Variants in PATL2 observed in about 807,000 individuals in gnomAD.
The protein encoded by PATL2 is PAT1 homolog 2, also known as protein PAT1 homolog 2.
In PATL2, 73 loss-of-function variants were observed where a neutral mutation model predicts 77.0. That is an observed-to-expected ratio of 0.95 (90% CI 0.78 to 1.15). The LOEUF (loss-of-function observed/expected upper bound fraction) is 1.15, where lower values mean the gene tolerates loss of function less well. PATL2 is among the 50% of genes most tolerant of loss of function. The pLI, the probability that PATL2 is intolerant of heterozygous loss-of-function variation, is 0.00. For missense variants in PATL2, 618 were observed against 655.4 expected (o/e 0.94, Z 0.62); for synonymous variants, 265 against 257.1 (o/e 1.03, Z -0.29).
Position 44,710,197 on chromosome 15 carries a change from A to G in PATL2, c.-177T>C, listed in dbSNP as rs2086826039. 6.6e-6 allele frequency among the ~76,000 whole-genome samples: 1 copy of G among 152,226 alleles called. No individual in the cohort carries two copies. The highest frequency in any genetic ancestry group is 2.4e-5 in the African/African-American group (1 of 41,454). On this transcript the variant is annotated 5_prime_UTR_variant, in exon 3 of 18. Coordinates refer to ENST00000682850, the MANE Select transcript of PATL2 (RefSeq NM_001387263.1). ...TCTTAGTTTAGGCATGGCCTCCACA[A>G]TAAAGATTATCAAAAGCCTAAAAAT...
chr15:44,676,765 A>T, intron 3 of PATL2, 200 bp from the exon 4 acceptor site: 7 of 1,275,106 alleles, frequency 5.5e-6, no homozygotes, highest in Non-Finnish European at 7.0e-6. Flanking sequence ...CCACAAAGGG[A>T]CAGAAATGAG....
chr15:44,705,491 C>G (rs1449630711), intron 3 of PATL2, among the ~76,000 whole-genome samples: 2 of 152,126 alleles, frequency 1.3e-5, no homozygotes, highest in Admixed American at 6.5e-5. Flanking sequence ...CAGCCAGTAA[C>G]TCTTAAATTT....
Position 44,669,363 on chromosome 15 carries a change from T to A in PATL2, c.981A>T (p.Pro327=). 4 of 1,551,560 alleles carry A rather than the reference T, an allele frequency of 2.6e-6. No homozygotes were observed. Among genetic ancestry groups the A allele is most frequent in the Non-Finnish European group, 3.5e-6 (4 of 1,146,930 alleles). The change falls in exon 13 of 18, where the codon CCA becomes CCT. Residue 327 remains proline, a synonymous_variant. Coordinates refer to ENST00000682850, the MANE Select transcript of PATL2 (RefSeq NM_001387263.1). The stretch of plus-strand genomic sequence containing the variant: ...TTTGCTGCTCAGAAAAGCAGGGCGG[T>A]GGAGGCCTATACTTCCAGCCTTCCT... ...EIEEGWKYRP[P]PPCFSEQQSN... is the part of the protein sequence containing the mutation.
chr15:44,674,280 C>T (rs1232592047), intron 5 of PATL2, 50 bp from the exon 6 acceptor site: 1 of 1,349,000 alleles, frequency 7.4e-7, no homozygotes, highest in South Asian at 1.3e-5. Flanking sequence ...CCTGTAGTGT[C>T]TTCTGCATTC....
chr15:44,684,785 C>T (rs1221013822), intron 3 of PATL2, among the ~76,000 whole-genome samples: 1 of 152,092 alleles, frequency 6.6e-6, no homozygotes, highest in Non-Finnish European at 1.5e-5. Context: ...AACCCCAAGA[C>T]ACATAATCAT....
intron 3 of PATL2, among the ~76,000 whole-genome samples, chr15:44,707,259 A>C (rs538848787): frequency 4.6e-5 from 7 of 152,156 alleles, no homozygotes; most frequent in Admixed American, 3.9e-4. Context: ...ACAGTGGCCA[A>C]GTCCCCTTTA....
chr15:44,704,535 T>C (rs2086694102), intron 3 of PATL2, among the ~76,000 whole-genome samples: 1 of 152,220 alleles, frequency 6.6e-6, no homozygotes, highest in Non-Finnish European at 1.5e-5. Context: ...CTTTGTTGTT[T>C]GTGTTTGTGT....
In PATL2 at chr15:44,667,250, G is replaced by A. The variant is rs146665035; in HGVS notation, c.1366-47C>T. The A allele has an allele frequency of 5.0e-4, 685 of 1,360,792 alleles. 2 individuals are homozygous for A. In the African/African-American group the frequency reaches 8.3e-3, roughly 16 times the overall value. 84.3% of individuals were successfully genotyped at this position (1,360,792 alleles called of 1,614,324 possible). ...TCCAGAGCAAAATGAGTTCACACTC[G>A]GCATTTGGTGCTTTCCTGACTCTTA... On this transcript the variant is annotated intron_variant, in intron 15 of 17. Coordinates refer to ENST00000682850, the MANE Select transcript of PATL2 (RefSeq NM_001387263.1).
intron 3 of PATL2, among the ~76,000 whole-genome samples, chr15:44,694,175 T>C (rs1595984386): frequency 6.6e-6 from 1 of 152,226 alleles, no homozygotes; most frequent in African/African-American, 2.4e-5. Flanking sequence ...CTGAGCCACC[T>C]CCTGCCTGTC....
At chr15:44,703,330 T>G (rs2086668669) in intron 3 of PATL2, among the ~76,000 whole-genome samples, 1 of 152,068 alleles carries the variant, frequency 6.6e-6, no homozygotes, top group Non-Finnish European at 1.5e-5. Context: ...TTAAGTCTGA[T>G]GTTTCTTTGT....
chr15:44,669,994 T>C lies in PATL2; in HGVS notation c.751A>G (p.Ile251Val). The change falls in exon 10 of 18, where the codon ATT becomes GTT. Residue 251 changes from isoleucine (I) to valine (V), a missense_variant. Ile to Val is a conservative substitution (Grantham distance 29). Coordinates refer to ENST00000682850, the MANE Select transcript of PATL2 (RefSeq NM_001387263.1). ...VESLKLVTPYIPKAEAYESVV... is the reference protein window; with the variant it reads ...VESLKLVTPYVPKAEAYESVV... ...GACTCATAAGCCTCTGCCTTCGGAATGTAAGGCGTTACCAGCTTGAGGGAC... is the reference window on the plus strand; with the variant it reads ...GACTCATAAGCCTCTGCCTTCGGAACGTAAGGCGTTACCAGCTTGAGGGAC... 1.9e-6 allele frequency: 3 copies of C among 1,549,632 alleles called. No individual in the cohort carries two copies. The highest frequency in any genetic ancestry group is 1.2e-5 in the South Asian group (1 of 83,802).
At chr15:44,671,215 C>T (rs1018229106) in intron 9 of PATL2, among the ~76,000 whole-genome samples, 1 of 152,128 alleles carries the variant, frequency 6.6e-6, no homozygotes, top group Non-Finnish European at 1.5e-5. Flanking sequence ...GCCAGCCGGG[C>T]GCGGTTGCTC....
chr15:44,672,138 A>T lies in PATL2; in HGVS notation c.534T>A (p.Pro178=). 1 of 1,551,642 alleles carries T rather than the reference A, an allele frequency of 6.4e-7. No individual in the cohort carries two copies. Among genetic ancestry groups the T allele is most frequent in the Non-Finnish European group, 8.7e-7 (1 of 1,146,966 alleles). Residue 178 remains proline (P), a synonymous_variant, in exon 9 of 18, where the codon CCT becomes CCA. Transcript: ENST00000682850. ...SQTPSPPAKK[P]WSQQPDPYAN... Reference sequence around the variant, plus strand: ...CATAGGGGTCTGGCTGCTGAGACCAAGGCTTCTTGGCTGGGGGACTTTAAG... The same window carrying T: ...CATAGGGGTCTGGCTGCTGAGACCATGGCTTCTTGGCTGGGGGACTTTAAG...
chr15:44,683,729 AG>A (rs2141231625), intron 3 of PATL2, among the ~76,000 whole-genome samples: 1 of 152,302 alleles, frequency 6.6e-6, no homozygotes, highest in African/African-American at 2.4e-5. Context: ...CTCCCAGCAT[AG>A]TGCTCAAGCT....
rs371254036 is a variant in PATL2, at chr15:44,705,811, G to GTTTTTTTTTTT, written c.-76+4284_-76+4285insAAAAAAAAAAA. Among the ~76,000 whole-genome samples, 129 of 135,390 alleles carry GTTTTTTTTTTT rather than the reference G, an allele frequency of 9.5e-4. 24 individuals carry two copies. Among genetic ancestry groups the GTTTTTTTTTTT allele is most frequent in the South Asian group, 2.9e-3 (13 of 4,498 alleles). The allele number at this position is 135,390 out of a possible 152,430, so 88.8% of individuals were successfully genotyped here. On this transcript the variant is annotated intron_variant, in intron 3 of 17. Transcript: ENST00000682850. ...TTTCTTTGAGTTTCCTCAAAACATT[G>GTTTTTTTTTTT]TTTTTTTTTAGACAGAGTCTTGCTC...
chr15:44,668,809 C>T (rs1306942267), intron 14 of PATL2, among the ~76,000 whole-genome samples, 171 bp downstream of exon 14: 2 of 152,252 alleles, frequency 1.3e-5, no homozygotes, highest in African/African-American at 4.8e-5. Context: ...AGATGATCCA[C>T]TGTTCCTATA....
chr15:44,670,225 C>T lies in PATL2; in HGVS notation c.658-138G>A, dbSNP rs573414941. 9.0e-6 allele frequency: 11 copies of T among 1,222,322 alleles called. No individual in the cohort carries two copies. The East Asian group carries it at 2.8e-4, about 31-fold the overall frequency. The allele number at this position is 1,222,322 out of a possible 1,614,324, so 75.7% of individuals were successfully genotyped here. A position where few individuals can be genotyped will look rare whatever the true frequency, so the allele number is the denominator to read the frequency against. On this transcript the variant is annotated intron_variant, in intron 9 of 17. Transcript: ENST00000682850. ...TTATAAGTTTTGTTGTTTGAGACAGCATCTCCCTCTGTCACCCAGCTGGAG... is the reference window on the plus strand; with the variant it reads ...TTATAAGTTTTGTTGTTTGAGACAGTATCTCCCTCTGTCACCCAGCTGGAG...
At chr15:44,694,378 T>A (rs746110804) in intron 3 of PATL2, among the ~76,000 whole-genome samples, 5 of 152,192 alleles carry the variant, frequency 3.3e-5, no homozygotes, top group Non-Finnish European at 7.3e-5. Context: ...TGATCCACAG[T>A]TAAAACAATA....
intron 7 of PATL2, among the ~76,000 whole-genome samples, 168 bp from the exon 8 acceptor site, chr15:44,672,624 T>C (rs1357476463): frequency 6.6e-6 from 1 of 152,044 alleles, no homozygotes; most frequent in Non-Finnish European, 1.5e-5. Flanking sequence ...ACCCACAGGG[T>C]TCCCAAGCTC....
Sources: gnomAD v4.1 joint callset for allele counts (sites outside exome capture counted in the v4.1 genomes callset) on GRCh38, gnomAD v4.1.1 for gene constraint, MANE v1.5 for transcripts, NCBI Gene and HGNC (gene_info 2026-07-23, HGNC 2026-07-21) for gene names.